The following ARL2 variants were observed in gnomAD, a reference collection of about 807,000 sequenced individuals.
The protein encoded by ARL2 is ARF like GTPase 2, also known as ADP-ribosylation factor-like protein 2.
A neutral mutation model predicts 22.0 loss-of-function variants in ARL2; 11 were observed. That is an observed-to-expected ratio of 0.50 (90% CI 0.31 to 0.83). The LOEUF is 0.83. Among genes scored for constraint, ARL2 ranks in the 40% least tolerant of loss-of-function variants. The pLI is 0.04. For synonymous variants in ARL2, 111 were observed against 100.8 expected (o/e 1.10, Z -0.61); for missense variants, 216 against 243.2 (o/e 0.89, Z 0.74).
At position 65,018,867 on chromosome 11, in the gene ARL2, G is replaced by T. The variant is rs1028484501; in HGVS notation, c.339+134G>T. On this transcript the variant is annotated intron_variant, in intron 3 of 4. Coordinates refer to ENST00000246747, the MANE Select transcript of ARL2 (RefSeq NM_001667.4). The surrounding 1 kb of genome is among the most constrained non-coding windows in gnomAD (Gnocchi z 4.2). Reference sequence around the variant, plus strand: ...CCTTCTCTGGGCCCCCACCATGGGAGGCCCATGGTGCCAGAGGCAGGACAC... The same window carrying T: ...CCTTCTCTGGGCCCCCACCATGGGATGCCCATGGTGCCAGAGGCAGGACAC... 5 of 1,537,886 alleles carry T rather than the reference G, an allele frequency of 3.3e-6. No individual in the cohort carries two copies. The highest frequency in any genetic ancestry group is 4.4e-6 in the Non-Finnish European group (5 of 1,147,804).
At chr11:65,014,378 C>G in intron 1 of ARL2, 106 bp downstream of exon 1, 1 of 942,818 alleles carries the variant, frequency 1.1e-6, no homozygotes, top group Non-Finnish European at 1.5e-6. Context: ...CGCGTCCCAA[C>G]TGCCCCTGGC....
rs1473152997 is a variant in ARL2 at position 65,019,051 on chromosome 11, A to T, written c.339+318A>T. On this transcript the variant is annotated intron_variant, in intron 3 of 4. Transcript: ENST00000246747. ...AGTATGAAGCTTCGAGAGGCCATGGAGCCTGGCTCAAGAGTCTGACTCTTT... is the reference window on the plus strand; with the variant it reads ...AGTATGAAGCTTCGAGAGGCCATGGTGCCTGGCTCAAGAGTCTGACTCTTT... The T allele has an allele frequency of 1.6e-5, 14 of 894,094 alleles. No homozygotes were observed. The East Asian group carries it at 7.0e-4, about 45-fold the overall frequency. The allele number at this position is 894,094 out of a possible 1,614,324, so 55.4% of individuals were successfully genotyped here.
chr11:65,016,987 T>C (rs1476940366), intron 1 of ARL2, among the ~76,000 whole-genome samples: 2 of 152,102 alleles, frequency 1.3e-5, no homozygotes, highest in East Asian at 3.9e-4. Context: ...GTCCCAGCAC[T>C]AGAGGGCCAC....
chr11:65,015,649 G>A (rs1484916572), intron 1 of ARL2, among the ~76,000 whole-genome samples: 3 of 152,084 alleles, frequency 2.0e-5, no homozygotes, highest in Non-Finnish European at 4.4e-5. Context: ...GGCTGGGTGC[G>A]GTGGCACACA....
intron 1 of ARL2, among the ~76,000 whole-genome samples, chr11:65,015,966 A>G (rs1319237022): frequency 6.6e-6 from 1 of 151,978 alleles, no homozygotes; most frequent in Non-Finnish European, 1.5e-5. Flanking sequence ...AGCACTTTGA[A>G]AGGCCGGGGC....
At chr11:65,015,942 A>G (rs1946247121) in intron 1 of ARL2, among the ~76,000 whole-genome samples, 1 of 152,130 alleles carries the variant, frequency 6.6e-6, no homozygotes, top group South Asian at 2.1e-4. Context: ...GCAGTGGCTC[A>G]TGCCTGTAAT....
intron 4 of ARL2, 107 bp downstream of exon 4, chr11:65,020,606 C>T (rs1011489808): frequency 7.0e-5 from 81 of 1,157,988 alleles, no homozygotes; most frequent in Middle Eastern, 2.8e-4. Flanking sequence ...CAGTGGCTCA[C>T]GCCTGTAATA....
rs757367469 is a variant in ARL2 at position 65,018,806 on chromosome 11, C to T, written c.339+73C>T. The T allele has an allele frequency of 3.5e-5, 56 of 1,589,346 alleles. No homozygotes were observed. The highest frequency in any genetic ancestry group is 9.4e-5 in the African/African-American group (7 of 74,746). On this transcript the variant is annotated intron_variant, in intron 3 of 4. Coordinates refer to ENST00000246747, the MANE Select transcript of ARL2 (RefSeq NM_001667.4). The surrounding 1 kb of genome is among the most constrained non-coding windows in gnomAD (Gnocchi z 4.2). ...TTCTCAGCAGATGCCCAGAGGGGCCCGTGGCCCCAGAGGGAAACCAGAGGC... is the reference window on the plus strand; with the variant it reads ...TTCTCAGCAGATGCCCAGAGGGGCCTGTGGCCCCAGAGGGAAACCAGAGGC...
At chr11:65,020,290 T>C in intron 3 of ARL2, 129 bp from the exon 4 acceptor site, 1 of 783,666 alleles carries the variant, frequency 1.3e-6, no homozygotes, top group Non-Finnish European at 2.2e-6. Flanking sequence ...CCTGGGCCTC[T>C]CCCACCACCA....
chr11:65,020,590 T>TG, intron 4 of ARL2, 91 bp downstream of exon 4: 1 of 1,307,216 alleles, frequency 7.6e-7, no homozygotes, highest in South Asian at 1.4e-5. Context: ...CCAAAAAGGC[T>TG]GGGTGCAGTG....
chr11:65,015,653 GCA>G (rs1188558207), intron 1 of ARL2, among the ~76,000 whole-genome samples: 4 of 152,108 alleles, frequency 2.6e-5, no homozygotes, highest in Non-Finnish European at 5.9e-5. Flanking sequence ...GGGTGCGGTG[GCA>G]CACACCTGTA....
chr11:65,018,294 T>G lies in ARL2; in HGVS notation c.66-70T>G, dbSNP rs1026890326. 3.0e-6 allele frequency: 4 copies of G among 1,329,450 alleles called. No individual in the cohort carries two copies. In the African/African-American group the frequency reaches 5.8e-5, roughly 19 times the overall value. The allele number at this position is 1,329,450 out of a possible 1,614,324, so 82.4% of individuals were successfully genotyped here. ...ACATGGTGGGAAATAATGAGTCCCC[T>G]AAGGGGCTCTGCAACAATGTCACCA... On this transcript the variant is annotated intron_variant, in intron 1 of 4. Coordinates refer to ENST00000246747, the MANE Select transcript of ARL2 (RefSeq NM_001667.4). The surrounding 1 kb of genome is among the most constrained non-coding windows in gnomAD (Gnocchi z 4.2).
At position 65,021,003 on chromosome 11, in the gene ARL2, C is replaced by T. The variant is rs1789246095; in HGVS notation, c.420+504C>T. ...AATAAGGCATGGGGTGGCCCACAGCCTGGGGAAGGCAGAGCTGCGCATGTG... is the reference window on the plus strand; with the variant it reads ...AATAAGGCATGGGGTGGCCCACAGCTTGGGGAAGGCAGAGCTGCGCATGTG... On this transcript the variant is annotated intron_variant, in intron 4 of 4. Coordinates refer to ENST00000246747, the MANE Select transcript of ARL2 (RefSeq NM_001667.4). Among the ~76,000 whole-genome samples the T allele has an allele frequency of 2.0e-5, 3 of 152,232 alleles. No individual in the cohort carries two copies. In the South Asian group the frequency reaches 6.2e-4, roughly 32 times the overall value.
rs1369263011 is a variant in ARL2 at position 65,021,736 on chromosome 11, T to A, written c.436T>A (p.Ser146Thr). 1 of 1,605,734 alleles carries A rather than the reference T, an allele frequency of 6.2e-7. No individual in the cohort carries two copies. Among genetic ancestry groups the A allele is most frequent in the African/African-American group, 1.3e-5 (1 of 74,944 alleles). The stretch of plus-strand genomic sequence containing the variant: ...GTCCTCCCAGGTCCTGGAGCTGGAC[T>A]CCATCCGCAGCCACCACTGGTGCAT... ...NAIREVLELD[S>T]IRSHHWCIQG... The change falls in exon 5 of 5, where the codon TCC (serine) becomes ACC (threonine). Residue 146 changes from serine to threonine, a missense_variant. By Grantham distance (58) the Ser-to-Thr change is moderately conservative. Transcript: ENST00000246747.
At position 65,022,111 on chromosome 11, in the gene ARL2, G is replaced by T; in HGVS notation, c.*256G>T. On this transcript the variant is annotated 3_prime_UTR_variant, in exon 5 of 5. Coordinates refer to ENST00000246747, the MANE Select transcript of ARL2 (RefSeq NM_001667.4). Reference sequence around the variant, plus strand: ...AGAAGAGAGGGCTGGGCGGGGAGGAGCTGCTACTGCTGCTACCGAGGCTGT... The same window carrying T: ...AGAAGAGAGGGCTGGGCGGGGAGGATCTGCTACTGCTGCTACCGAGGCTGT... 2.0e-6 allele frequency: 1 copy of T among 506,728 alleles called. No individual in the cohort carries two copies. Among genetic ancestry groups the T allele is most frequent in the Non-Finnish European group, 3.6e-6 (1 of 279,378 alleles). 31.4% of individuals were successfully genotyped at this position (506,728 alleles called of 1,614,324 possible). A position where few individuals can be genotyped will look rare whatever the true frequency, so the allele number is the denominator to read the frequency against.
At chr11:65,020,358 A>G (rs1017705825) in intron 3 of ARL2, 61 bp from the exon 4 acceptor site, 12 of 1,388,342 alleles carry the variant, frequency 8.6e-6, no homozygotes, top group Admixed American at 1.7e-5. Flanking sequence ...CTGGGCCATT[A>G]GAGGAGGGGT....
At chr11:65,021,289 AG>A (rs916527641) in intron 4 of ARL2, among the ~76,000 whole-genome samples, 5 of 152,342 alleles carry the variant, frequency 3.3e-5, no homozygotes, top group Middle Eastern at 3.4e-3. Flanking sequence ...GAGAAAGAGC[AG>A]GGTTAAAATC....
intron 1 of ARL2, among the ~76,000 whole-genome samples, chr11:65,015,635 T>C (rs1022986082): frequency 6.6e-6 from 1 of 151,972 alleles, no homozygotes; most frequent in Admixed American, 6.6e-5. Context: ...AAATATGTAA[T>C]AGAGGCTGGG....
At chr11:65,019,466 T>C (rs1465688233) in intron 3 of ARL2, 3 of 151,806 alleles carry the variant, frequency 2.0e-5, no homozygotes, top group Non-Finnish European at 4.4e-5. Flanking sequence ...GGCGTGAACC[T>C]GGGAGGCGGA....
Sources: gnomAD v4.1 joint callset for allele counts (sites outside exome capture counted in the v4.1 genomes callset) on GRCh38, gnomAD v4.1.1 for gene constraint, Gnocchi (gnomAD v3.1) non-coding constraint, MANE v1.5 for transcripts, NCBI Gene and HGNC (gene_info 2026-07-23, HGNC 2026-07-21) for gene names.